Variants in DSTN observed in about 807,000 individuals in gnomAD.
The protein encoded by DSTN is destrin.
In DSTN, 10 loss-of-function variants were observed where a neutral mutation model predicts 16.8. The ratio of observed to expected loss-of-function variants is 0.60; its 90% confidence interval spans 0.37 to 1.01. The LOEUF (loss-of-function observed/expected upper bound fraction) is 1.01, where lower values mean the gene tolerates loss of function less well. Ranked by LOEUF, DSTN falls within the 50% of genes least tolerant of loss-of-function variation. The pLI is 0.01. For synonymous variants in DSTN, 57 were observed against 58.9 expected, an observed-to-expected ratio of 0.97 and a Z score of 0.14; for missense variants, 141 against 196.7, an observed-to-expected ratio of 0.72 and a Z score of 1.69.
In DSTN at chr20:17,609,410, C is replaced by T. The variant is rs891680423; in HGVS notation, c.*2264C>T. On this transcript the variant is annotated 3_prime_UTR_variant, in exon 4 of 4. Transcript: ENST00000246069. ...AGGCCTCCAGGGAAGTGCCATAAGC[C>T]CAAGACTGCCGTACTCAAAAGTCAG... The T allele has an allele frequency of 6.6e-6, 1 of 152,100 alleles. No individual in the cohort carries two copies. The highest frequency in any genetic ancestry group is 2.4e-5 in the African/African-American group (1 of 41,378). The allele number at this position is 152,100 out of a possible 1,614,324, so 9.4% of individuals were successfully genotyped here.
chr20:17,584,280 C>T (rs1274697394), intron 1 of DSTN, among the ~76,000 whole-genome samples: 4 of 152,098 alleles, frequency 2.6e-5, no homozygotes, highest in African/African-American at 7.2e-5. Context: ...GTGCATAAAT[C>T]TTGCATTTCT....
chr20:17,590,171 C>G (rs2035454587), intron 1 of DSTN, among the ~76,000 whole-genome samples: 1 of 152,168 alleles, frequency 6.6e-6, no homozygotes, highest in African/African-American at 2.4e-5. Flanking sequence ...TATCCTTATG[C>G]TAGAATTGAG....
At chr20:17,590,802 C>T (rs1370270905) in intron 1 of DSTN, among the ~76,000 whole-genome samples, 4 of 152,062 alleles carry the variant, frequency 2.6e-5, no homozygotes, top group African/African-American at 9.7e-5. Context: ...ATCTAATAAC[C>T]TAACATTTTA....
Position 17,570,197 on chromosome 20 carries a change from G to A in DSTN, c.-12G>A. On this transcript the variant is annotated 5_prime_UTR_variant, in exon 1 of 4. Transcript: ENST00000246069. ...CTCCCTCCCCCGCGTCCCTGCGACCGCCGCGGCGAAGATGGTGAGTAGGAG... is the reference window on the plus strand; with the variant it reads ...CTCCCTCCCCCGCGTCCCTGCGACCACCGCGGCGAAGATGGTGAGTAGGAG... The A allele has an allele frequency of 1.3e-6, 2 of 1,519,376 alleles. No individual in the cohort carries two copies. The highest frequency in any genetic ancestry group is 2.6e-5 in the East Asian group (1 of 37,852). The allele number at this position is 1,519,376 out of a possible 1,614,324, so 94.1% of individuals were successfully genotyped here.
chr20:17,597,777 T>C (rs1600710574), intron 1 of DSTN, among the ~76,000 whole-genome samples: 1 of 152,334 alleles, frequency 6.6e-6, no homozygotes, highest in Admixed American at 6.5e-5. Flanking sequence ...TGTGTATGCA[T>C]CACTCCTGTC....
intron 1 of DSTN, among the ~76,000 whole-genome samples, chr20:17,573,709 G>A (rs945718231): frequency 3.3e-5 from 5 of 151,998 alleles, no homozygotes; most frequent in Admixed American, 3.3e-4. Flanking sequence ...CCAGTCTGAT[G>A]GTTGTGAAAT....
intron 1 of DSTN, among the ~76,000 whole-genome samples, chr20:17,578,758 C>T (rs1013781124): frequency 4.0e-5 from 6 of 151,882 alleles, no homozygotes; most frequent in Non-Finnish European, 5.9e-5. Flanking sequence ...GTCGGGAGTT[C>T]GAAACCAGCC....
intron 1 of DSTN, chr20:17,576,319 T>C (rs1477753460): frequency 1.3e-5 from 2 of 153,792 alleles, no homozygotes; most frequent in Non-Finnish European, 2.9e-5. Flanking sequence ...GCTGCTCATA[T>C]AACCTTGACC....
At chr20:17,602,021 A>G (rs903212830) in intron 2 of DSTN, among the ~76,000 whole-genome samples, 1 of 150,510 alleles carries the variant, frequency 6.6e-6, no homozygotes, top group Non-Finnish European at 1.5e-5. Flanking sequence ...CTTAGCTTTT[A>G]GCTATGTGCC....
intron 1 of DSTN, among the ~76,000 whole-genome samples, chr20:17,593,372 A>AT (rs928836486): frequency 6.8e-4 from 103 of 151,520 alleles, no homozygotes; most frequent in African/African-American, 2.3e-3. Flanking sequence ...CTGATCTTTG[A>AT]TTTTTTTTTC....
intron 2 of DSTN, among the ~76,000 whole-genome samples, chr20:17,602,984 C>T (rs1056259536): frequency 1.3e-5 from 2 of 152,170 alleles, no homozygotes; most frequent in Admixed American, 1.3e-4. Flanking sequence ...CACGCCACTG[C>T]ACTCCAGCCT....
In DSTN at chr20:17,609,816, A is replaced by C. The variant is rs1256641317; in HGVS notation, c.*2670A>C. On this transcript the variant is annotated 3_prime_UTR_variant, in exon 4 of 4. Coordinates refer to ENST00000246069, the MANE Select transcript of DSTN (RefSeq NM_006870.4). ...ATACGTTTACCTCTTCACAAATGCT[A>C]ACACACTGCAAAAATATGTTTGTGG... The C allele has an allele frequency of 1.3e-5, 2 of 149,926 alleles. No homozygotes were observed. The highest frequency in any genetic ancestry group is 4.8e-5 in the African/African-American group (2 of 41,390). 9.3% of individuals were successfully genotyped at this position (149,926 alleles called of 1,614,324 possible).
At chr20:17,578,970 A>G (rs1312650759) in intron 1 of DSTN, among the ~76,000 whole-genome samples, 1 of 151,922 alleles carries the variant, frequency 6.6e-6, no homozygotes, top group Non-Finnish European at 1.5e-5. Flanking sequence ...TCAAAAAAAA[A>G]AAAAAAAAAA....
chr20:17,602,169 G>A (rs1483961339), intron 2 of DSTN, among the ~76,000 whole-genome samples: 1 of 152,198 alleles, frequency 6.6e-6, no homozygotes, highest in Non-Finnish European at 1.5e-5. Context: ...CCAAGTTGCT[G>A]TGAGGAATGC....
intron 1 of DSTN, among the ~76,000 whole-genome samples, chr20:17,578,719 G>A (rs1033383974): frequency 1.3e-5 from 2 of 152,132 alleles, no homozygotes; most frequent in East Asian, 3.9e-4. Flanking sequence ...CCAGCACTTC[G>A]GGAGGCCAAG....
Position 17,607,327 on chromosome 20 carries a change from A to G in DSTN, c.*181A>G, listed in dbSNP as rs186057437. On this transcript the variant is annotated 3_prime_UTR_variant, in exon 4 of 4. Coordinates refer to ENST00000246069, the MANE Select transcript of DSTN (RefSeq NM_006870.4). ...AAATAAATCTAAAGTCTAAAGTTTT[A>G]TTGATGTGAAATTAAATTCTTATTG... 236 of 480,320 alleles carry G rather than the reference A, an allele frequency of 4.9e-4. 1 individual carries two copies. The highest frequency in any genetic ancestry group is 3.7e-3 in the Middle Eastern group (7 of 1,872). The allele number at this position is 480,320 out of a possible 1,614,324, so 29.8% of individuals were successfully genotyped here.
At position 17,589,895 on chromosome 20, in the gene DSTN, A is replaced by G. The variant is rs879877574; in HGVS notation, c.4-10843A>G. ...ACCTTAGAAAAAAATTTTTTAATTA[A>G]TAATTTTCTGAGGTAGTTAAAATAG... is the stretch of plus-strand genomic sequence containing the variant. On this transcript the variant is annotated intron_variant, in intron 1 of 3. Transcript: ENST00000246069. Among the ~76,000 whole-genome samples the G allele has an allele frequency of 7.2e-5, 11 of 152,336 alleles. No individual in the cohort carries two copies. In the East Asian group the frequency reaches 2.1e-3, roughly 29 times the overall value.
In DSTN at chr20:17,575,342, G is replaced by A. The variant is rs138435170; in HGVS notation, c.3+5131G>A. ...AAAACTGAATTTAACATACAAATGC[G>A]TTGATTTTGTCCACAGAACAACACT... is the stretch of plus-strand genomic sequence containing the variant. On this transcript the variant is annotated intron_variant, in intron 1 of 3. Transcript: ENST00000246069. Among the ~76,000 whole-genome samples, 562 of 152,134 alleles carry A rather than the reference G, an allele frequency of 3.7e-3. 3 individuals are homozygous for A. Among genetic ancestry groups the A allele is most frequent in the African/African-American group, 8.0e-3 (332 of 41,504 alleles).
chr20:17,578,884 T>C (rs1346040697), intron 1 of DSTN, among the ~76,000 whole-genome samples: 3 of 145,394 alleles, frequency 2.1e-5, no homozygotes, highest in Admixed American at 7.2e-5. Flanking sequence ...TCACTTGGAC[T>C]TGGGAGGTGC....
Sources: gnomAD v4.1 joint callset for allele counts (sites outside exome capture counted in the v4.1 genomes callset) on GRCh38, gnomAD v4.1.1 for gene constraint, MANE v1.5 for transcripts, NCBI Gene and HGNC (gene_info 2026-07-23, HGNC 2026-07-21) for gene names.